The following CGGBP1 variants were observed in gnomAD, a reference collection of about 807,000 sequenced individuals.
CGGBP1 encodes CGG triplet repeat-binding protein 1.
CGGBP1 carries 4 observed loss-of-function variants against 11.4 expected under a neutral mutation model. The observed-to-expected ratio is 0.35, with a 90% CI of 0.17 to 0.80. The LOEUF is 0.80. Ranked by LOEUF, CGGBP1 falls within the 30% of genes least tolerant of loss-of-function variation. The probability of loss-of-function intolerance (pLI) is 0.52; values close to 1 mark genes in which losing one functional copy is unlikely to be tolerated. For missense variants in CGGBP1, 135 were observed against 202.1 expected (o/e 0.67, Z 2.01); for synonymous variants, 76 against 74.1 (o/e 1.03, Z -0.13).
intron 2 of CGGBP1, among the ~76,000 whole-genome samples, chr3:88,087,680 A>G (rs1438428529): frequency 6.6e-6 from 1 of 152,216 alleles, no homozygotes; most frequent in East Asian, 1.9e-4. Context: ...GGCTTATAAA[A>G]ACACTTATTA....
chr3:88,147,836 G>T (rs1409519494), intron 1 of CGGBP1, among the ~76,000 whole-genome samples: 1 of 152,232 alleles, frequency 6.6e-6, no homozygotes, highest in Non-Finnish European at 1.5e-5. Flanking sequence ...AGTGAGGGAA[G>T]GAGGTGCTAC....
At chr3:88,143,764 G>A (rs1458164462) in intron 1 of CGGBP1, 2 of 151,980 alleles carry the variant, frequency 1.3e-5, no homozygotes, top group Admixed American at 6.6e-5. Flanking sequence ...GATCAAACTG[G>A]TTTATATATA....
At chr3:88,141,333 T>G (rs1707117868) in intron 1 of CGGBP1, among the ~76,000 whole-genome samples, 1 of 55,768 alleles carries the variant, frequency 1.8e-5, no homozygotes, top group African/African-American at 3.9e-5. Flanking sequence ...TATTCTTTGA[T>G]TATACTTCTT....
At chr3:88,140,988 G>C in exon 2 of CGGBP1, 1 of 1,613,020 alleles carries the variant, frequency 6.2e-7, no homozygotes, top group Non-Finnish European at 8.5e-7. Context: ...AGAAGCACTT[G>C]AGGCTCATCT....
intron 2 of CGGBP1, among the ~76,000 whole-genome samples, chr3:88,088,419 TAGAG>T (rs376905875): frequency 1.3e-3 from 197 of 152,302 alleles, no homozygotes; most frequent in Non-Finnish European, 2.0e-3. Flanking sequence ...TTAGCATTTT[TAGAG>T]AGAATTGAGA....
exon 2 of CGGBP1, chr3:88,141,057 TC>T (rs921886167): frequency 6.3e-7 from 1 of 1,579,264 alleles, no homozygotes; most frequent in African/African-American, 1.4e-5. Context: ...AAGTAAGTCT[TC>T]TGTCTTCTTA....
intron 2 of CGGBP1, among the ~76,000 whole-genome samples, chr3:88,076,617 G>A (rs1182639245): frequency 1.3e-5 from 2 of 151,984 alleles, no homozygotes; most frequent in Admixed American, 6.6e-5. Context: ...TCTTGAAACC[G>A]AGCATACCTC....
intron 2 of CGGBP1, chr3:88,140,497 A>G: frequency 6.2e-7 from 1 of 1,613,788 alleles, no homozygotes; most frequent in South Asian, 1.1e-5. Flanking sequence ...CAGAATGGAA[A>G]CGAACGTTCT....
At chr3:88,059,632 C>A (rs1177691017), upstream of CGGBP1, 8 of 1,350,556 alleles carry the variant, frequency 5.9e-6, no homozygotes. Flanking sequence ...GAGGGTGAGG[C>A]TGAAGCTCCC....
chr3:88,126,498 T>C (rs571633641), intron 2 of CGGBP1, among the ~76,000 whole-genome samples: 36 of 151,430 alleles, frequency 2.4e-4, no homozygotes, highest in Non-Finnish European at 4.7e-4. Flanking sequence ...TGGTAACACA[T>C]CTACTAGATG....
chr3:88,059,530 A>G (rs1164681973), upstream of CGGBP1: 2 of 1,458,734 alleles, frequency 1.4e-6, no homozygotes, highest in Non-Finnish European at 1.8e-6. Flanking sequence ...GGCCGCCCCG[A>G]CTTGTCACCC....
chr3:88,092,710 G>T (rs1703818916), intron 2 of CGGBP1, among the ~76,000 whole-genome samples: 1 of 152,110 alleles, frequency 6.6e-6, no homozygotes, highest in South Asian at 2.1e-4. Flanking sequence ...AATTTAAGGA[G>T]ATTATGTCTT....
rs1706445500 is a variant in CGGBP1, at chr3:88,052,273, G to A, written c.*3200C>T. The stretch of plus-strand genomic sequence containing the variant: ...CACTTCACTATTCACATTTTAATCA[G>A]TGCTGACCAGAAGCTAAAGCAATTT... On this transcript the variant is annotated 3_prime_UTR_variant, in exon 4 of 4. Transcript: ENST00000482016. 6.6e-6 allele frequency: 1 copy of A among 152,598 alleles called. No homozygotes were observed. The highest frequency in any genetic ancestry group is 1.5e-5 in the Non-Finnish European group (1 of 68,026). The allele number at this position is 152,598 out of a possible 1,614,324, so 9.5% of individuals were successfully genotyped here.
chr3:88,110,440 C>T (rs1489845984), intron 2 of CGGBP1, among the ~76,000 whole-genome samples: 1 of 152,046 alleles, frequency 6.6e-6, no homozygotes, highest in Non-Finnish European at 1.5e-5. Flanking sequence ...TATATATTGG[C>T]ACTGATCATT....
chr3:88,060,181 A>G (rs142988473), upstream of CGGBP1, among the ~76,000 whole-genome samples: 813 of 152,208 alleles, frequency 5.3e-3, 5 homozygotes, highest in African/African-American at 0.017. Flanking sequence ...TCATAATGAA[A>G]GTAATTTTCC....
chr3:88,087,910 A>C (rs1293346921), intron 2 of CGGBP1, among the ~76,000 whole-genome samples: 1 of 152,192 alleles, frequency 6.6e-6, no homozygotes, highest in Non-Finnish European at 1.5e-5. Flanking sequence ...CAAAATTCGA[A>C]ACTCTTTGAG....
At chr3:88,093,100 A>C (rs1247392380) in intron 2 of CGGBP1, among the ~76,000 whole-genome samples, 1 of 152,224 alleles carries the variant, frequency 6.6e-6, no homozygotes, top group Non-Finnish European at 1.5e-5. Context: ...CTTTGTGCAT[A>C]TGGACCTCAA....
At chr3:88,095,995 C>T in intron 2 of CGGBP1, 1 of 222,448 alleles carries the variant, frequency 4.5e-6, no homozygotes, top group Non-Finnish European at 8.8e-6. Flanking sequence ...ACCTGAAGGA[C>T]TAAGGCCACT....
intron 2 of CGGBP1, among the ~76,000 whole-genome samples, chr3:88,089,378 C>A (rs1708519048): frequency 6.6e-6 from 1 of 151,638 alleles, no homozygotes; most frequent in East Asian, 2.0e-4. Flanking sequence ...GTAATCCCAG[C>A]TACTTGGGAG....
Sources: gnomAD v4.1 joint callset for allele counts (sites outside exome capture counted in the v4.1 genomes callset) on GRCh38, gnomAD v4.1.1 for gene constraint, MANE v1.5 for transcripts, NCBI Gene and HGNC (gene_info 2026-07-23, HGNC 2026-07-21) for gene names.